CCDC6: variants seen among roughly 807,000 people sequenced by gnomAD.
CCDC6 encodes coiled-coil domain containing 6, also known as coiled-coil domain-containing protein 6.
CCDC6 carries 20 observed loss-of-function variants against 56.6 expected under a neutral mutation model. The ratio of observed to expected loss-of-function variants is 0.35; its 90% CI spans 0.25 to 0.51. The LOEUF (loss-of-function observed/expected upper bound fraction) is 0.51. CCDC6 is among the 20% of genes least tolerant of loss of function. CCDC6 has a pLI of 0.95. For missense variants in CCDC6, 367 were observed against 601.1 expected (o/e 0.61, Z 4.07); for synonymous variants, 241 against 234.4 (o/e 1.03, Z -0.26).
intron 7 of CCDC6, among the ~76,000 whole-genome samples, chr10:59,801,700 T>C (rs2070577683): frequency 6.6e-6 from 1 of 152,216 alleles, no homozygotes; most frequent in Admixed American, 6.5e-5. Context: ...ATTTATTTAG[T>C]CATTTATTCA....
chr10:59,857,896 C>A (rs1235079322), intron 1 of CCDC6, among the ~76,000 whole-genome samples: 1 of 152,102 alleles, frequency 6.6e-6, no homozygotes, highest in Non-Finnish European at 1.5e-5. Flanking sequence ...ATAGCAGGGA[C>A]CACCCAACAC....
chr10:59,867,883 A>G (rs2132666124), intron 1 of CCDC6, among the ~76,000 whole-genome samples: 1 of 152,214 alleles, frequency 6.6e-6, no homozygotes, highest in South Asian at 2.1e-4. Flanking sequence ...AAAATTTTAA[A>G]TCTACCTATG....
chr10:59,814,774 T>C lies in CCDC6; in HGVS notation c.583-19A>G. The C allele has an allele frequency of 1.3e-6, 2 of 1,518,094 alleles. No homozygotes were observed. The highest frequency in any genetic ancestry group is 1.8e-6 in the Non-Finnish European group (2 of 1,092,828). The allele number at this position is 1,518,094 out of a possible 1,614,324, so 94.0% of individuals were successfully genotyped here. A position where few individuals can be genotyped will look rare whatever the true frequency, so the allele number is the denominator to read the frequency against. On this transcript the variant is annotated intron_variant, in intron 3 of 8. Coordinates refer to ENST00000263102, the MANE Select transcript of CCDC6 (RefSeq NM_005436.5). ...GTCTCAACTAAAGGAAGGAAAAAAG[T>C]GTTACCAAAGTGTCAGGCCACTTAT...
chr10:59,864,976 A>C (rs2071164770), intron 1 of CCDC6, among the ~76,000 whole-genome samples: 1 of 152,242 alleles, frequency 6.6e-6, no homozygotes, highest in Non-Finnish European at 1.5e-5. Flanking sequence ...TCAACGATTA[A>C]CTTAATACGC....
At chr10:59,893,478 G>A (rs1363686744) in intron 1 of CCDC6, among the ~76,000 whole-genome samples, 5 of 152,128 alleles carry the variant, frequency 3.3e-5, no homozygotes, top group South Asian at 2.1e-4. Flanking sequence ...GGTGGTGCAC[G>A]CCTGTGGTCT....
chr10:59,836,332 C>T (rs1425854270), intron 2 of CCDC6, among the ~76,000 whole-genome samples: 1 of 152,184 alleles, frequency 6.6e-6, no homozygotes, highest in East Asian at 1.9e-4. Flanking sequence ...AAAGCTATAG[C>T]TCATGGCACC....
intron 1 of CCDC6, among the ~76,000 whole-genome samples, chr10:59,855,671 T>C (rs1306933840): frequency 1.3e-5 from 2 of 152,220 alleles, no homozygotes; most frequent in African/African-American, 4.8e-5. Flanking sequence ...GAAAATGTTC[T>C]GGAATTAGGG....
chr10:59,802,993 C>T (rs1351477130), intron 7 of CCDC6, among the ~76,000 whole-genome samples: 1 of 152,164 alleles, frequency 6.6e-6, no homozygotes, highest in Non-Finnish European at 1.5e-5. Flanking sequence ...CTCATGACTT[C>T]CTTTTACATC....
In CCDC6 at chr10:59,792,726, T is replaced by G. The variant is rs1226029487; in HGVS notation, c.*191A>C. On this transcript the variant is annotated 3_prime_UTR_variant, in exon 9 of 9. Transcript: ENST00000263102. ...TAAAACACTGATGGAAAAAGTCGTC[T>G]GGTTAGTGTTGTAGACCCACAACAC... 2 of 773,770 alleles carry G rather than the reference T, an allele frequency of 2.6e-6. No individual in the cohort carries two copies. The highest frequency in any genetic ancestry group is 4.9e-5 in the East Asian group (2 of 41,140). The allele number at this position is 773,770 out of a possible 1,614,324, so 47.9% of individuals were successfully genotyped here.
At chr10:59,863,194 A>C (rs1344239625) in intron 1 of CCDC6, among the ~76,000 whole-genome samples, 1 of 152,220 alleles carries the variant, frequency 6.6e-6, no homozygotes, top group Non-Finnish European at 1.5e-5. Context: ...TGGGAGGAAC[A>C]GAATAGGAAT....
intron 1 of CCDC6, among the ~76,000 whole-genome samples, chr10:59,878,900 TA>T (rs1564754961): frequency 1.3e-5 from 2 of 151,990 alleles, no homozygotes. Flanking sequence ...GGCCAAGCCA[TA>T]AGGGAAAGGA....
At chr10:59,842,195 T>A (rs577979714) in intron 2 of CCDC6, among the ~76,000 whole-genome samples, 2 of 151,892 alleles carry the variant, frequency 1.3e-5, no homozygotes, top group South Asian at 4.2e-4. Flanking sequence ...GCGTGCACCA[T>A]CACACCCCAC....
chr10:59,854,180 T>C (rs949012809), intron 1 of CCDC6, among the ~76,000 whole-genome samples: 1 of 152,124 alleles, frequency 6.6e-6, no homozygotes, highest in African/African-American at 2.4e-5. Context: ...CACCTCTTAC[T>C]GTAAAAGGCT....
At chr10:59,817,331 C>T (rs1266620257) in intron 3 of CCDC6, among the ~76,000 whole-genome samples, 2 of 152,138 alleles carry the variant, frequency 1.3e-5, no homozygotes, top group Non-Finnish European at 2.9e-5. Context: ...CAGGCACACA[C>T]CACCACACCT....
intron 2 of CCDC6, among the ~76,000 whole-genome samples, chr10:59,839,584 A>G (rs535072216): frequency 1.2e-4 from 19 of 152,282 alleles, no homozygotes; most frequent in African/African-American, 3.9e-4. Flanking sequence ...GACATAATCA[A>G]TATCCTAATT....
At chr10:59,872,778 A>AC (rs1554886726) in intron 1 of CCDC6, among the ~76,000 whole-genome samples, 14 of 81,726 alleles carry the variant, frequency 1.7e-4, no homozygotes, top group Non-Finnish European at 3.1e-4. Flanking sequence ...AACTTTCCAG[A>AC]TGGGGGGGTG....
intron 2 of CCDC6, among the ~76,000 whole-genome samples, chr10:59,836,134 A>C (rs888694419): frequency 6.6e-6 from 1 of 151,598 alleles, no homozygotes; most frequent in African/African-American, 2.4e-5. Context: ...ACAAGGGTTA[A>C]GATGAGCAAG....
intron 3 of CCDC6, among the ~76,000 whole-genome samples, chr10:59,828,239 G>C (rs1391985612): frequency 6.6e-6 from 1 of 152,182 alleles, no homozygotes; most frequent in Non-Finnish European, 1.5e-5. Flanking sequence ...GCAAGTCAGG[G>C]TTTATAGGCA....
In CCDC6 at chr10:59,872,905, G is replaced by A. The variant is rs140132632; in HGVS notation, c.304-20203C>T. Among the ~76,000 whole-genome samples, 7 of 152,224 alleles carry A rather than the reference G, an allele frequency of 4.6e-5. No homozygotes were observed. In the South Asian group the frequency reaches 1.2e-3, roughly 27 times the overall value. On this transcript the variant is annotated intron_variant, in intron 1 of 8. Coordinates refer to ENST00000263102, the MANE Select transcript of CCDC6 (RefSeq NM_005436.5). ...AGGTGAAAATCTAGCACAGGTCCTC[G>A]ATCCTTTAAACACAATTCCAAAACC...
Sources: allele counts gnomAD v4.1 joint callset (sites outside exome capture counted in the v4.1 genomes callset), GRCh38; gene constraint gnomAD v4.1.1; transcripts MANE v1.5; gene names NCBI Gene and HGNC (gene_info 2026-07-23, HGNC 2026-07-21).